Variants in RNF14 observed in about 807,000 individuals in gnomAD.
RNF14 encodes the protein ring finger protein 14.
In RNF14, 26 loss-of-function variants were observed where a neutral mutation model predicts 52.6. That is an observed-to-expected ratio of 0.49 (90% confidence interval 0.36 to 0.69). The LOEUF (loss-of-function observed/expected upper bound fraction) is 0.69. RNF14 is among the 30% of genes least tolerant of loss of function. The probability of loss-of-function intolerance (pLI) is 0.00; values close to 1 mark genes in which losing one functional copy is unlikely to be tolerated. For synonymous variants in RNF14, 194 were observed against 202.0 expected (o/e 0.96, Z 0.34); for missense variants, 404 against 560.4 (o/e 0.72, Z 2.82).
At chr5:141,979,332 C>T (rs1650639) in intron 5 of RNF14, among the ~76,000 whole-genome samples, 114,953 of 152,002 alleles carry the variant, frequency 0.76, 43,704 homozygotes, top group East Asian at 0.98. Flanking sequence ...TCACGGCAAC[C>T]TCTGCCTCCA....
At chr5:141,956,562 C>G (rs747129522), upstream of RNF14, 18 of 1,614,182 alleles carry the variant, frequency 1.1e-5, no homozygotes, top group Non-Finnish European at 1.5e-5. Flanking sequence ...CTTGGGCTAA[C>G]AGAGTGAGGG....
chr5:141,962,202 G>C (rs1241833866), upstream of RNF14, among the ~76,000 whole-genome samples: 1 of 152,198 alleles, frequency 6.6e-6, no homozygotes, highest in South Asian at 2.1e-4. Flanking sequence ...GACAGGTGCT[G>C]TCTCCCACAC....
upstream of RNF14, chr5:141,955,812 C>T (rs1250765691): frequency 1.2e-6 from 2 of 1,613,836 alleles, no homozygotes; most frequent in Non-Finnish European, 8.5e-7. This position sits in a 1 kb window ranked among gnomAD's most constrained non-coding sequence, Gnocchi z 5.5. Flanking sequence ...GGGGGCTTCC[C>T]TGGTCCTCTA....
chr5:141,959,503 T>C (rs528145942), intron 1 of RNF14, among the ~76,000 whole-genome samples: 1 of 152,270 alleles, frequency 6.6e-6, no homozygotes, highest in South Asian at 2.1e-4. Context: ...ATGAAGCATT[T>C]GAGGTGATGA....
intron 6 of RNF14, 104 bp downstream of exon 6, chr5:141,980,455 A>T (rs1450831951): frequency 1.7e-5 from 14 of 843,270 alleles, no homozygotes; most frequent in Non-Finnish European, 2.4e-5. Context: ...GGAAGTATTC[A>T]TTTAGCAGAT....
upstream of RNF14, among the ~76,000 whole-genome samples, chr5:141,966,142 G>T (rs1474358383): frequency 3.3e-5 from 5 of 152,056 alleles, no homozygotes; most frequent in Non-Finnish European, 7.4e-5. Flanking sequence ...TTAGCCAGAT[G>T]TGGTGGTGTG....
chr5:141,960,920 G>A (rs1316988983), intron 1 of RNF14, among the ~76,000 whole-genome samples: 1 of 152,150 alleles, frequency 6.6e-6, no homozygotes, highest in Non-Finnish European at 1.5e-5. Flanking sequence ...GCCAAAGGCA[G>A]AGAAAACGGC....
upstream of RNF14, among the ~76,000 whole-genome samples, chr5:141,968,086 A>G (rs1008359075): frequency 1.3e-5 from 2 of 151,170 alleles, no homozygotes; most frequent in African/African-American, 4.9e-5. Context: ...TTTCATATAA[A>G]TTAAAAACAA....
the RNF14 span, chr5:141,952,281 G>C: frequency 1.3e-5 from 2 of 152,224 alleles, no homozygotes; most frequent in African/African-American, 4.8e-5. Context: ...AAAGAATGGG[G>C]GCTCTGTGGG....
At position 141,989,248 on chromosome 5, in the gene RNF14, G is replaced by A. The variant is rs564523022; in HGVS notation, c.*1458G>A. 3.9e-5 allele frequency: 6 copies of A among 152,196 alleles called. No individual in the cohort carries two copies. The highest frequency in any genetic ancestry group is 3.8e-4 in the East Asian group (2 of 5,318). The allele number at this position is 152,196 out of a possible 1,614,324, so 9.4% of individuals were successfully genotyped here. A position where few individuals can be genotyped will look rare whatever the true frequency, so the allele number is the denominator to read the frequency against. On this transcript the variant is annotated 3_prime_UTR_variant, in exon 9 of 9. Transcript: ENST00000394520. ...AACTAATCACATTTTAAAACTGTTCGGCATATAACATATTCTTAAAGTAAG... is the reference window on the plus strand; with the variant it reads ...AACTAATCACATTTTAAAACTGTTCAGCATATAACATATTCTTAAAGTAAG...
the RNF14 span, chr5:141,949,425 T>A: frequency 6.2e-7 from 1 of 1,608,924 alleles, no homozygotes; most frequent in Non-Finnish European, 8.5e-7. Flanking sequence ...CTCCAGGGGG[T>A]CCCTACCTGT....
At chr5:141,956,676 C>T, upstream of RNF14, 1 of 1,614,232 alleles carries the variant, frequency 6.2e-7, no homozygotes, top group Non-Finnish European at 8.5e-7. Context: ...CTTGGCTCAG[C>T]CAGCAGTGGA....
upstream of RNF14, chr5:141,963,033 T>C (rs115524515): frequency 0.028 from 4,284 of 152,388 alleles, 97 homozygotes; most frequent in African/African-American, 0.074. Context: ...AGCATCCTCA[T>C]GGTCCCCACC....
chr5:141,974,760 AGT>A, intron 3 of RNF14, 42 bp from the exon 4 acceptor site: 1 of 1,599,734 alleles, frequency 6.3e-7, no homozygotes, highest in Non-Finnish European at 8.6e-7. Context: ...TGGACACTCA[AGT>A]GTTGACCAAC....
chr5:141,970,964 A>G (rs762180195), intron 2 of RNF14, 87 bp downstream of exon 2: 4 of 152,364 alleles, frequency 2.6e-5, no homozygotes, highest in Non-Finnish European at 5.9e-5. Context: ...ATCTCCTAGA[A>G]AAAAAGTGTT....
chr5:141,982,439 G>T (rs1464631930), intron 6 of RNF14, among the ~76,000 whole-genome samples: 2 of 152,180 alleles, frequency 1.3e-5, no homozygotes, highest in Non-Finnish European at 2.9e-5. Context: ...TATACCAGAA[G>T]ATGTCTTTTG....
chr5:141,957,313 A>C (rs777261350), upstream of RNF14: 1 of 1,613,346 alleles, frequency 6.2e-7, no homozygotes, highest in South Asian at 1.1e-5. This position sits in a 1 kb window ranked among gnomAD's most constrained non-coding sequence, Gnocchi z 4.3. Flanking sequence ...ATCCAAGGCA[A>C]AGTGCTCACT....
Position 141,975,089 on chromosome 5 carries a change from T to C in RNF14, c.306+134T>C, listed in dbSNP as rs1754127526. On this transcript the variant is annotated intron_variant, in intron 4 of 8. Transcript: ENST00000394520. ...CTTTGGTTTTGTAATTTTTTTCCCTTGCCTTGGTGAATCCTGATGTTAAGA... is the reference window on the plus strand; with the variant it reads ...CTTTGGTTTTGTAATTTTTTTCCCTCGCCTTGGTGAATCCTGATGTTAAGA... 2.0e-5 allele frequency: 18 copies of C among 882,534 alleles called. No individual in the cohort carries two copies. The South Asian group carries it at 2.8e-4, about 14-fold the overall frequency. The allele number at this position is 882,534 out of a possible 1,614,324, so 54.7% of individuals were successfully genotyped here. A position where few individuals can be genotyped will look rare whatever the true frequency, so the allele number is the denominator to read the frequency against.
At chr5:141,964,046 G>T (rs887822033), upstream of RNF14, among the ~76,000 whole-genome samples, 2 of 152,186 alleles carry the variant, frequency 1.3e-5, no homozygotes, top group Non-Finnish European at 1.5e-5. Flanking sequence ...ATGCCAGGTT[G>T]CGAGTATAAA....
Sources: allele counts gnomAD v4.1 joint callset (sites outside exome capture counted in the v4.1 genomes callset), GRCh38; gene constraint gnomAD v4.1.1; non-coding constraint Gnocchi (gnomAD v3.1); transcripts MANE v1.5; gene names NCBI Gene and HGNC (gene_info 2026-07-23, HGNC 2026-07-21).